MALRD1: variants seen among roughly 807,000 people sequenced by gnomAD.
MALRD1 encodes the protein MAM and LDL-receptor class A domain-containing protein 1.
In MALRD1, 247 loss-of-function variants were observed where a neutral mutation model predicts 242.1. The observed-to-expected ratio is 1.02, with a 90% confidence interval of 0.92 to 1.13. The LOEUF (loss-of-function observed/expected upper bound fraction) is 1.13. MALRD1 is among the 50% of genes most tolerant of loss of function. The pLI, the probability that MALRD1 is intolerant of heterozygous loss-of-function variation, is 0.00. For synonymous variants in MALRD1, 995 were observed against 866.6 expected, an observed-to-expected ratio of 1.15 and a Z score of -2.60; for missense variants, 2,989 against 2,533.1, an observed-to-expected ratio of 1.18 and a Z score of -3.86.
At chr10:19,503,180 A>T (rs1484845244) in intron 31 of MALRD1, among the ~76,000 whole-genome samples, 5 of 152,234 alleles carry the variant, frequency 3.3e-5, no homozygotes. Context: ...ATACACTAAT[A>T]CGGCTGAGTG....
intron 2 of MALRD1, among the ~76,000 whole-genome samples, chr10:19,069,746 C>A (rs1415934317): frequency 1.3e-5 from 2 of 148,238 alleles, no homozygotes; most frequent in Non-Finnish European, 3.0e-5. Context: ...GTGATATCCA[C>A]AATTTCTTTT....
chr10:19,427,532 C>G (rs886443607), intron 28 of MALRD1, among the ~76,000 whole-genome samples: 1 of 152,170 alleles, frequency 6.6e-6, no homozygotes, highest in Non-Finnish European at 1.5e-5. Flanking sequence ...TAATTTAGCT[C>G]TCTAGTTCCT....
At chr10:19,245,610 G>A (rs1402027252) in intron 18 of MALRD1, among the ~76,000 whole-genome samples, 1 of 152,076 alleles carries the variant, frequency 6.6e-6, no homozygotes, top group Non-Finnish European at 1.5e-5. Context: ...TGATATCCCT[G>A]GGAATCCACT....
At chr10:19,224,432 A>G (rs1271225104) in intron 18 of MALRD1, among the ~76,000 whole-genome samples, 1 of 152,016 alleles carries the variant, frequency 6.6e-6, no homozygotes, top group African/African-American at 2.4e-5. Flanking sequence ...GATTACAGGT[A>G]TATGCCACCA....
At chr10:19,324,145 A>C (rs1347683679) in intron 22 of MALRD1, 40 bp downstream of exon 22, 1 of 1,529,920 alleles carries the variant, frequency 6.5e-7, no homozygotes, top group Non-Finnish European at 8.8e-7. Context: ...TTTTCTCTCT[A>C]AAAGTTCACA....
intron 4 of MALRD1, among the ~76,000 whole-genome samples, chr10:19,098,195 A>G (rs1432424438): frequency 2.0e-5 from 3 of 152,214 alleles, no homozygotes; most frequent in African/African-American, 7.2e-5. Context: ...AGGAATGAAT[A>G]CTATAGCTTA....
chr10:19,620,019 A>AATAATAAT (rs564333226), intron 36 of MALRD1, among the ~76,000 whole-genome samples: 5,650 of 58,460 alleles, frequency 0.097, 395 homozygotes, highest in African/African-American at 0.19. Flanking sequence ...TAATAATAAT[A>AATAATAAT]AATAATAATA....
intron 28 of MALRD1, among the ~76,000 whole-genome samples, chr10:19,410,907 T>C (rs1046834035): frequency 2.0e-5 from 3 of 152,214 alleles, no homozygotes; most frequent in Admixed American, 6.6e-5. Flanking sequence ...TGTTGCCTAG[T>C]AATATAGTTC....
At chr10:19,274,733 A>G (rs576517658) in intron 19 of MALRD1, among the ~76,000 whole-genome samples, 1 of 152,202 alleles carries the variant, frequency 6.6e-6, no homozygotes, top group Non-Finnish European at 1.5e-5. Flanking sequence ...AGGAAAGTAC[A>G]ACCATTGTAG....
intron 28 of MALRD1, among the ~76,000 whole-genome samples, chr10:19,390,253 G>A (rs1274256984): frequency 6.6e-6 from 1 of 152,144 alleles, no homozygotes; most frequent in Non-Finnish European, 1.5e-5. Flanking sequence ...TCTGAAAGAA[G>A]ACCGGCTATC....
chr10:19,528,547 C>T (rs763077223), intron 31 of MALRD1, among the ~76,000 whole-genome samples: 11 of 152,104 alleles, frequency 7.2e-5, no homozygotes, highest in Non-Finnish European at 1.0e-4. Flanking sequence ...GAGCCAATAT[C>T]GTGCCGTTGC....
intron 32 of MALRD1, among the ~76,000 whole-genome samples, chr10:19,567,206 G>T (rs1836293237): frequency 6.6e-6 from 1 of 151,990 alleles, no homozygotes; most frequent in African/African-American, 2.4e-5. Context: ...AAAAAAATTT[G>T]TGTTTATATC....
At chr10:19,591,477 C>T in intron 33 of MALRD1, among the ~76,000 whole-genome samples, 1 of 150,240 alleles carries the variant, frequency 6.7e-6, no homozygotes, top group Non-Finnish European at 1.5e-5. Context: ...TTCTTTCTTT[C>T]CTTCCTTCCT....
intron 26 of MALRD1, among the ~76,000 whole-genome samples, chr10:19,378,484 A>G (rs1375806147): frequency 1.3e-5 from 2 of 152,208 alleles, no homozygotes; most frequent in African/African-American, 4.8e-5. Flanking sequence ...GCATAGTTGA[A>G]AGAACACAGG....
At chr10:19,218,917 T>TA (rs1474504672) in intron 18 of MALRD1, among the ~76,000 whole-genome samples, 1 of 152,142 alleles carries the variant, frequency 6.6e-6, no homozygotes, top group Non-Finnish European at 1.5e-5. Context: ...TGAAGGCTAA[T>TA]AATTCCAATG....
intron 38 of MALRD1, chr10:19,721,981 T>G (rs1834780272): frequency 6.6e-6 from 1 of 152,222 alleles, no homozygotes; most frequent in Non-Finnish European, 1.5e-5. Context: ...CTTTCCTCTG[T>G]GGGGTTTGAG....
chr10:19,448,022 T>A (rs1835099075), intron 28 of MALRD1, among the ~76,000 whole-genome samples: 1 of 152,188 alleles, frequency 6.6e-6, no homozygotes, highest in African/African-American at 2.4e-5. Context: ...AACTGATGCA[T>A]AGTTGTGCTC....
chr10:19,504,983 G>T (rs908428128), intron 31 of MALRD1, among the ~76,000 whole-genome samples: 2 of 152,070 alleles, frequency 1.3e-5, no homozygotes, highest in Middle Eastern at 3.2e-3. Context: ...CGCCCGGCCT[G>T]TAACACATTT....
At chr10:19,057,519 T>C (rs1235038557) in intron 1 of MALRD1, among the ~76,000 whole-genome samples, 1 of 152,132 alleles carries the variant, frequency 6.6e-6, no homozygotes, top group Non-Finnish European at 1.5e-5. Flanking sequence ...GTTTTAAATA[T>C]GAATTTGAGG....
Sources: allele counts gnomAD v4.1 joint callset (sites outside exome capture counted in the v4.1 genomes callset), GRCh38; gene constraint gnomAD v4.1.1; transcripts MANE v1.5; gene names NCBI Gene and HGNC (gene_info 2026-07-23, HGNC 2026-07-21).